The following ZNF254 variants were observed in gnomAD, a reference collection of about 807,000 sequenced individuals.
ZNF254 encodes CTD-2017D11.1.
Under a neutral mutation model 12.4 loss-of-function variants are expected in ZNF254, and 10 were observed. That is an observed-to-expected ratio of 0.80 (90% CI 0.50 to 1.36). ZNF254 has a LOEUF of 1.36. Ranked by LOEUF, ZNF254 falls within the 40% of genes most tolerant of loss-of-function variation. The pLI, the probability that ZNF254 is intolerant of heterozygous loss-of-function variation, is 0.00. For missense variants in ZNF254, 996 were observed against 763.9 expected (o/e 1.30, Z -3.58); for synonymous variants, 305 against 253.4 (o/e 1.20, Z -1.93).
chr19:24,088,001 C>T (rs1972135824), intron 1 of ZNF254, among the ~76,000 whole-genome samples: 2 of 150,534 alleles, frequency 1.3e-5, no homozygotes, highest in Admixed American at 6.6e-5. Flanking sequence ...CTGCAACCTC[C>T]GCCTCTTGGG....
chr19:24,115,694 T>G (rs911984598), intron 3 of ZNF254, among the ~76,000 whole-genome samples: 2 of 151,774 alleles, frequency 1.3e-5, no homozygotes, highest in Non-Finnish European at 2.9e-5. Context: ...AAAAGAAAAA[T>G]AAATAAAGTT....
chr19:24,056,084 T>C (rs1970842948), intron 2 of ZNF254, among the ~76,000 whole-genome samples: 1 of 152,210 alleles, frequency 6.6e-6, no homozygotes, highest in African/African-American at 2.4e-5. Context: ...TTTTTCTGCA[T>C]TGGTGCTGCT....
At chr19:24,122,516 T>G (rs1974549858) in intron 3 of ZNF254, among the ~76,000 whole-genome samples, 1 of 152,178 alleles carries the variant, frequency 6.6e-6, no homozygotes, top group South Asian at 2.1e-4. Flanking sequence ...TGAACCACCA[T>G]GCCTGGCCCC....
intron 3 of ZNF254, among the ~76,000 whole-genome samples, chr19:24,120,814 C>A (rs1974426863): frequency 6.6e-6 from 1 of 152,114 alleles, no homozygotes; most frequent in Admixed American, 6.6e-5. Context: ...ACGCGGCTGC[C>A]ACCATGCCTG....
intron 3 of ZNF254, among the ~76,000 whole-genome samples, chr19:24,125,732 C>T (rs1299010444): frequency 6.6e-6 from 1 of 152,222 alleles, no homozygotes; most frequent in East Asian, 1.9e-4. Flanking sequence ...TGCAGTCTCT[C>T]TGCTGCTGTA....
chr19:24,098,573 G>A (rs181663596), intron 1 of ZNF254: 4 of 152,178 alleles, frequency 2.6e-5, no homozygotes, highest in Non-Finnish European at 4.4e-5. Context: ...TACTCATGCT[G>A]AGAGTAGCTA....
At chr19:24,058,550 G>C (rs771843662) in intron 2 of ZNF254, among the ~76,000 whole-genome samples, 1 of 151,950 alleles carries the variant, frequency 6.6e-6, no homozygotes, top group Non-Finnish European at 1.5e-5. Flanking sequence ...TTAGATTACA[G>C]GCATGCGCCA....
At chr19:24,086,173 C>G (rs369886667), upstream of ZNF254, among the ~76,000 whole-genome samples, 57 of 152,070 alleles carry the variant, frequency 3.7e-4, no homozygotes, top group South Asian at 0.011. Context: ...CGCCACTGTA[C>G]TCCAGCTTGG....
chr19:24,091,802 G>A, intron 1 of ZNF254: 1 of 975,424 alleles, frequency 1.0e-6, no homozygotes, highest in Non-Finnish European at 1.2e-6. Context: ...CCTATATCCT[G>A]TTATTTTGAT....
chr19:24,121,684 A>G (rs1274658241), intron 3 of ZNF254, among the ~76,000 whole-genome samples: 5 of 151,948 alleles, frequency 3.3e-5, no homozygotes, highest in Admixed American at 6.6e-5. Flanking sequence ...CAGCCTCCCA[A>G]TTAGCTGGGA....
chr19:24,120,833 TG>T (rs1335529725), intron 3 of ZNF254, among the ~76,000 whole-genome samples: 11 of 152,052 alleles, frequency 7.2e-5, no homozygotes, highest in Non-Finnish European at 1.3e-4. Flanking sequence ...TGGCTAATTT[TG>T]TTTTTTTTGT....
chr19:24,037,374 A>T (rs1970005159), intron 1 of ZNF254, among the ~76,000 whole-genome samples: 1 of 152,326 alleles, frequency 6.6e-6, no homozygotes, highest in East Asian at 1.9e-4. Flanking sequence ...CCTTGAAAAT[A>T]AAAGATTTTT....
intron 2 of ZNF254, among the ~76,000 whole-genome samples, chr19:24,076,787 A>G (rs1971675114): frequency 6.6e-6 from 1 of 152,234 alleles, no homozygotes; most frequent in South Asian, 2.1e-4. Context: ...AAGTTTAAAT[A>G]GATACGCTTG....
intron 2 of ZNF254, among the ~76,000 whole-genome samples, chr19:24,068,160 C>T (rs1057043973): frequency 6.6e-6 from 1 of 152,192 alleles, no homozygotes; most frequent in Non-Finnish European, 1.5e-5. Flanking sequence ...ATGCACCATG[C>T]ACAAAGAAAA....
chr19:24,066,028 C>T (rs970360025), intron 2 of ZNF254: 79 of 152,010 alleles, frequency 5.2e-4, no homozygotes, highest in African/African-American at 1.9e-3. Context: ...TTTTTTCAGG[C>T]TCTGCATATT....
intron 3 of ZNF254, chr19:24,107,365 CTAATT>C: frequency 2.4e-6 from 1 of 422,868 alleles, no homozygotes; most frequent in Non-Finnish European, 4.1e-6. Flanking sequence ...AGTGTCCTCT[CTAATT>C]TTTTTCATTG....
At chr19:24,065,934 ACT>A (rs1259373668) in intron 2 of ZNF254, 4 of 151,742 alleles carry the variant, frequency 2.6e-5, no homozygotes, top group Non-Finnish European at 4.4e-5. Flanking sequence ...TGGTAATGTT[ACT>A]CTCTTCTCCT....
intron 2 of ZNF254, among the ~76,000 whole-genome samples, chr19:24,068,501 A>T (rs1490981412): frequency 6.6e-6 from 1 of 152,124 alleles, no homozygotes; most frequent in Non-Finnish European, 1.5e-5. Flanking sequence ...GAGTTTCACC[A>T]TGTTGGCCAG....
At position 24,082,152 on chromosome 19, in the gene ZNF254, A is replaced by C. The variant is rs576814271; in HGVS notation, c.-93-23788A>C. 9.4e-4 allele frequency among the ~76,000 whole-genome samples: 143 copies of C among 152,112 alleles called. 1 individual carries two copies. The highest frequency in any genetic ancestry group is 3.3e-3 in the African/African-American group (139 of 41,532). ...AGAAAAAAAAAAAAAGATAATATCGAGTCTCGCAAAATATAGTAATTAAGA... is the reference window on the plus strand; with the variant it reads ...AGAAAAAAAAAAAAAGATAATATCGCGTCTCGCAAAATATAGTAATTAAGA... On this transcript the variant is annotated intron_variant, in intron 2 of 4. Transcript: ENST00000613065.
Sources: gnomAD v4.1 joint callset for allele counts (sites outside exome capture counted in the v4.1 genomes callset) on GRCh38, gnomAD v4.1.1 for gene constraint, MANE v1.5 for transcripts, NCBI Gene and HGNC (gene_info 2026-07-23, HGNC 2026-07-21) for gene names.